RHOBTB1: variants seen among roughly 807,000 people sequenced by gnomAD.
RHOBTB1 encodes Rho related BTB domain containing 1, also known as rho-related BTB domain-containing protein 1.
RHOBTB1 carries 40 observed loss-of-function variants against 71.6 expected under a neutral mutation model. That is an observed-to-expected ratio of 0.56 (90% CI 0.43 to 0.73). The LOEUF (loss-of-function observed/expected upper bound fraction) is 0.73. Ranked by LOEUF, RHOBTB1 falls within the 30% of genes least tolerant of loss-of-function variation. RHOBTB1 has a pLI of 0.00. For synonymous variants in RHOBTB1, 319 were observed against 334.9 expected (o/e 0.95, Z 0.52); for missense variants, 797 against 894.0 (o/e 0.89, Z 1.38).
At chr10:60,953,142 T>G (rs1481851450) in intron 2 of RHOBTB1, among the ~76,000 whole-genome samples, 1 of 152,216 alleles carries the variant, frequency 6.6e-6, no homozygotes, top group African/African-American at 2.4e-5. Flanking sequence ...ATGGAGTTAT[T>G]ATAAAATTTC....
chr10:60,989,725 G>A (rs984698027), intron 1 of RHOBTB1, among the ~76,000 whole-genome samples: 1 of 152,140 alleles, frequency 6.6e-6, no homozygotes, highest in Non-Finnish European at 1.5e-5. Flanking sequence ...AAGGAAAACT[G>A]AGGCTGTAGC....
intron 4 of RHOBTB1, 51 bp from the exon 5 acceptor site, chr10:60,893,046 C>A (rs763990581): frequency 3.7e-5 from 53 of 1,422,306 alleles, no homozygotes; most frequent in Non-Finnish European, 4.8e-5. Context: ...CAGGTTTTTT[C>A]TTTTACCATT....
rs140673515 is a variant in RHOBTB1, at chr10:60,888,899, C to G, written c.769G>C (p.Ala257Pro). Residue 257 changes from alanine to proline, a missense_variant, in exon 6 of 11, where the codon GCC becomes CCC. This residue lies in a region of RHOBTB1 where 658 missense variants were observed against 681.5 expected (regional missense o/e 0.97). Coordinates refer to ENST00000337910, the MANE Select transcript of RHOBTB1 (RefSeq NM_014836.5). ...ECPSMGTNEA[A>P]CLLDNPLCAD... ...CATAGAGGATTGTCCAGTAAACAGG[C>G]AGCTTCATTTGTCCCCATGGAAGGA... is the stretch of plus-strand genomic sequence containing the variant. 6.2e-7 allele frequency: 1 copy of G among 1,614,040 alleles called. No individual in the cohort carries two copies. The highest frequency in any genetic ancestry group is 1.3e-5 in the African/African-American group (1 of 74,908).
At chr10:60,882,310 T>A (rs558088847) in intron 7 of RHOBTB1, among the ~76,000 whole-genome samples, 21 of 152,260 alleles carry the variant, frequency 1.4e-4, no homozygotes, top group African/African-American at 5.1e-4. Context: ...TAGCTGAGAC[T>A]ATTAGGCTTA....
intron 9 of RHOBTB1, among the ~76,000 whole-genome samples, chr10:60,874,518 A>G (rs557195057): frequency 2.6e-4 from 39 of 152,342 alleles, no homozygotes; most frequent in African/African-American, 8.7e-4. Context: ...TGTTATTACA[A>G]TCTCAATATT....
intron 1 of RHOBTB1, among the ~76,000 whole-genome samples, chr10:61,000,183 G>A (rs965691080): frequency 1.3e-5 from 2 of 152,052 alleles, no homozygotes; most frequent in African/African-American, 4.8e-5. Flanking sequence ...AATGCTTTGG[G>A]GTTTAAATTG....
chr10:60,899,042 CT>C (rs1165999070), intron 4 of RHOBTB1, among the ~76,000 whole-genome samples: 1 of 152,130 alleles, frequency 6.6e-6, no homozygotes, highest in Non-Finnish European at 1.5e-5. Flanking sequence ...GGTTAATGGC[CT>C]TGCCAAAGAA....
At chr10:60,999,350 T>C (rs1242167251) in intron 1 of RHOBTB1, among the ~76,000 whole-genome samples, 1 of 152,182 alleles carries the variant, frequency 6.6e-6, no homozygotes, top group African/African-American at 2.4e-5. Flanking sequence ...AAATCTAGAG[T>C]TGTCTACCTA....
At chr10:60,911,632 T>C in intron 2 of RHOBTB1, 80 bp from the exon 3 acceptor site, 4 of 1,185,032 alleles carry the variant, frequency 3.4e-6, no homozygotes, top group Non-Finnish European at 3.7e-6. Flanking sequence ...TTCAGGGAGT[T>C]TTGCCTTCGT....
At chr10:60,968,792 T>C (rs1033630405) in intron 2 of RHOBTB1, among the ~76,000 whole-genome samples, 3 of 152,086 alleles carry the variant, frequency 2.0e-5, no homozygotes, top group Non-Finnish European at 4.4e-5. Context: ...TGGTGGTTAT[T>C]AAGGTATCTG....
chr10:60,891,238 C>T (rs567825446), intron 5 of RHOBTB1, among the ~76,000 whole-genome samples: 1 of 151,074 alleles, frequency 6.6e-6, no homozygotes, highest in East Asian at 1.9e-4. Flanking sequence ...TTTACTATTG[C>T]TTGGAGAGCA....
intron 2 of RHOBTB1, among the ~76,000 whole-genome samples, chr10:60,915,572 A>G: frequency 6.6e-6 from 1 of 152,218 alleles, no homozygotes; most frequent in Admixed American, 6.5e-5. Flanking sequence ...ATCCACTTGC[A>G]CAGTATTCAG....
intron 4 of RHOBTB1, among the ~76,000 whole-genome samples, chr10:60,903,577 G>T (rs1225082860): frequency 6.6e-6 from 1 of 152,106 alleles, no homozygotes; most frequent in South Asian, 2.1e-4. Context: ...AGAACGTGGT[G>T]TTCTCTATTT....
chr10:60,891,776 A>C (rs903344795), intron 5 of RHOBTB1, among the ~76,000 whole-genome samples: 1 of 152,190 alleles, frequency 6.6e-6, no homozygotes, highest in Admixed American at 6.5e-5. Flanking sequence ...TTTTAAAAGA[A>C]ACGTATTTCC....
At chr10:60,862,133 TTCTC>T in the RHOBTB1 span, among the ~76,000 whole-genome samples, 100 of 144,956 alleles carry the variant, frequency 6.9e-4, 1 homozygote, top group African/African-American at 1.9e-3. Context: ...CTCTCTCTCC[TTCTC>T]TCTCTCTCTT....
In RHOBTB1 at chr10:60,886,879, C is replaced by CT. The variant is rs1216746070; in HGVS notation, c.1457-650dup. On this transcript the variant is annotated intron_variant, in intron 6 of 10. Transcript: ENST00000337910. Reference sequence around the variant, plus strand: ...GTATAATTTTGTGTATGTGTATAGACTTTTTTTTTTTTACAGATAGCATGG... The same window carrying CT: ...GTATAATTTTGTGTATGTGTATAGACTTTTTTTTTTTTTACAGATAGCATGG... Among the ~76,000 whole-genome samples, 515 of 143,812 alleles carry CT rather than the reference C, an allele frequency of 3.6e-3. 1 individual carries two copies. The highest frequency in any genetic ancestry group is 0.01 in the African/African-American group (402 of 39,596). The allele number at this position is 143,812 out of a possible 152,430, so 94.3% of individuals were successfully genotyped here.
At chr10:60,900,443 T>C (rs1054130883) in intron 4 of RHOBTB1, among the ~76,000 whole-genome samples, 2 of 152,210 alleles carry the variant, frequency 1.3e-5, no homozygotes, top group African/African-American at 4.8e-5. Context: ...GTGAGCTATT[T>C]ATTTCTGCTT....
intron 3 of RHOBTB1, 127 bp downstream of exon 3, chr10:60,911,224 G>A (rs993330179): frequency 6.5e-5 from 64 of 980,708 alleles, no homozygotes; most frequent in South Asian, 1.0e-4. Flanking sequence ...GTTTTCTCTC[G>A]TGGCACTAAA....
At chr10:60,953,231 A>G (rs1300563302) in intron 2 of RHOBTB1, among the ~76,000 whole-genome samples, 7 of 152,234 alleles carry the variant, frequency 4.6e-5, no homozygotes, top group Non-Finnish European at 1.5e-5. Flanking sequence ...CAAGTAGAGA[A>G]TAAAGATTTC....
Sources: gnomAD v4.1 joint callset for allele counts (sites outside exome capture counted in the v4.1 genomes callset) on GRCh38, gnomAD v4.1.1 for gene constraint, gnomAD v4.1.1 regional missense constraint, MANE v1.5 for transcripts, NCBI Gene and HGNC (gene_info 2026-07-23, HGNC 2026-07-21) for gene names.